The following DNAAF11 variants were observed in gnomAD, a reference collection of about 807,000 sequenced individuals.
DNAAF11 encodes dynein axonemal assembly factor 11.
In DNAAF11, 45 loss-of-function variants were observed where a neutral mutation model predicts 60.8. That is an observed-to-expected ratio of 0.74 (90% CI 0.58 to 0.95). The LOEUF is 0.95. DNAAF11 is among the 40% of genes least tolerant of loss of function. DNAAF11 has a pLI of 0.00. For missense variants in DNAAF11, 546 were observed against 546.2 expected, an observed-to-expected ratio of 1.00 and a Z score of 0.00; for synonymous variants, 191 against 183.5, an observed-to-expected ratio of 1.04 and a Z score of -0.33.
chr8:132,617,966 C>CA (rs1217368037), intron 7 of DNAAF11, among the ~76,000 whole-genome samples: 25 of 149,092 alleles, frequency 1.7e-4, no homozygotes, highest in African/African-American at 6.2e-4. Context: ...CATATGGAAC[C>CA]AAAAAAGAGC....
At chr8:132,596,148 G>T (rs1816996640) in intron 10 of DNAAF11, among the ~76,000 whole-genome samples, 2 of 152,168 alleles carry the variant, frequency 1.3e-5, no homozygotes, top group South Asian at 4.1e-4. Flanking sequence ...AGGATAGGAA[G>T]TCCATGCTGA....
rs1818509261 is a variant in DNAAF11 at position 132,610,163 on chromosome 8, T to C, written c.1140+3A>G. ...TGAAATTGACCCAAATGACATGACC[T>C]ACCTTGGGCATGCAGATGACCAAAT... On this transcript the variant is annotated splice_donor_region_variant and intron_variant, in intron 10 of 11. Coordinates refer to ENST00000620350, the MANE Select transcript of DNAAF11 (RefSeq NM_012472.6). 1.2e-6 allele frequency: 2 copies of C among 1,610,908 alleles called. No individual in the cohort carries two copies. The highest frequency in any genetic ancestry group is 8.5e-7 in the Non-Finnish European group (1 of 1,177,126).
chr8:132,626,635 A>G (rs1013638796), intron 5 of DNAAF11, among the ~76,000 whole-genome samples: 3 of 152,194 alleles, frequency 2.0e-5, no homozygotes, highest in Admixed American at 2.0e-4. Context: ...CTTTCAGGAG[A>G]TTCTATTCTT....
At chr8:132,631,782 G>A (rs530953080) in intron 5 of DNAAF11, among the ~76,000 whole-genome samples, 22 of 151,964 alleles carry the variant, frequency 1.4e-4, no homozygotes, top group Non-Finnish European at 2.5e-4. Context: ...ACCAAACACC[G>A]CATGTTCTCA....
At chr8:132,682,816 C>T in the DNAAF11 span, among the ~76,000 whole-genome samples, 3 of 152,178 alleles carry the variant, frequency 2.0e-5, no homozygotes, top group Admixed American at 6.5e-5. Flanking sequence ...GGCTTCAGGC[C>T]GCTTCCACTC....
intron 1 of DNAAF11, among the ~76,000 whole-genome samples, chr8:132,665,483 C>A (rs1824541808): frequency 6.6e-6 from 1 of 151,264 alleles, no homozygotes; most frequent in Non-Finnish European, 1.5e-5. Context: ...GCCCAGCAAA[C>A]TTTAAAAAAA....
At chr8:132,699,820 A>G in the DNAAF11 span, among the ~76,000 whole-genome samples, 1 of 152,210 alleles carries the variant, frequency 6.6e-6, no homozygotes, top group African/African-American at 2.4e-5. Flanking sequence ...ACATACAAAC[A>G]TTATGTTAAG....
At chr8:132,609,509 T>C (rs557084720) in intron 10 of DNAAF11, among the ~76,000 whole-genome samples, 20 of 152,300 alleles carry the variant, frequency 1.3e-4, no homozygotes, top group East Asian at 3.9e-4. Flanking sequence ...TTCAGGATTA[T>C]GGTAATCAAG....
intron 1 of DNAAF11, among the ~76,000 whole-genome samples, chr8:132,669,305 A>T (rs1824942977): frequency 6.6e-6 from 1 of 152,198 alleles, no homozygotes; most frequent in African/African-American, 2.4e-5. Context: ...GTCAGACTAC[A>T]TGTTGTCACA....
intron 8 of DNAAF11, among the ~76,000 whole-genome samples, chr8:132,611,900 A>G (rs1329990229): frequency 6.6e-6 from 1 of 152,190 alleles, no homozygotes; most frequent in Non-Finnish European, 1.5e-5. Context: ...TCAGGTGGCA[A>G]TTATTCTCCT....
At chr8:132,702,523 C>A in the DNAAF11 span, among the ~76,000 whole-genome samples, 1 of 151,854 alleles carries the variant, frequency 6.6e-6, no homozygotes, top group Non-Finnish European at 1.5e-5. Context: ...GAAAAATTTC[C>A]GTTGTCCCAG....
At chr8:132,657,557 T>C (rs1441614821) in intron 2 of DNAAF11, among the ~76,000 whole-genome samples, 3 of 152,170 alleles carry the variant, frequency 2.0e-5, no homozygotes, top group Non-Finnish European at 2.9e-5. Flanking sequence ...TTCTACCACA[T>C]TTAGTTGGGT....
the DNAAF11 span, among the ~76,000 whole-genome samples, chr8:132,690,182 A>G: frequency 2.0e-5 from 3 of 152,158 alleles, no homozygotes; most frequent in East Asian, 5.8e-4. Context: ...TGTTATTAAA[A>G]TCTTACATTG....
chr8:132,590,940 T>C (rs1230238278), intron 10 of DNAAF11, among the ~76,000 whole-genome samples: 1 of 152,146 alleles, frequency 6.6e-6, no homozygotes, highest in African/African-American at 2.4e-5. Flanking sequence ...CAGATGAGAG[T>C]TAATAATTGT....
chr8:132,633,329 A>C (rs1820990561), intron 4 of DNAAF11, among the ~76,000 whole-genome samples: 1 of 152,144 alleles, frequency 6.6e-6, no homozygotes, highest in Admixed American at 6.5e-5. Context: ...CTCTACAGAA[A>C]AAAAAGGCCT....
intron 2 of DNAAF11, among the ~76,000 whole-genome samples, chr8:132,661,015 G>A (rs961508010): frequency 3.3e-5 from 5 of 151,964 alleles, no homozygotes; most frequent in Non-Finnish European, 7.4e-5. Context: ...ACCCAATACT[G>A]AGCCCAATGC....
At chr8:132,650,078 T>C (rs1226911683) in intron 3 of DNAAF11, among the ~76,000 whole-genome samples, 1 of 152,232 alleles carries the variant, frequency 6.6e-6, no homozygotes, top group Non-Finnish European at 1.5e-5. Flanking sequence ...CGTATATTTA[T>C]TGCAGCACTA....
chr8:132,665,899 T>G (rs185243712), intron 1 of DNAAF11, among the ~76,000 whole-genome samples: 218 of 150,562 alleles, frequency 1.4e-3, no homozygotes, highest in Non-Finnish European at 2.3e-3. Flanking sequence ...ACATATACCA[T>G]GGAATACTAT....
chr8:132,586,483 G>T (rs918790726), intron 10 of DNAAF11, among the ~76,000 whole-genome samples: 2 of 152,312 alleles, frequency 1.3e-5, no homozygotes, highest in Middle Eastern at 3.4e-3. Flanking sequence ...ATGTGTGTTG[G>T]TCATGTGATG....
Sources: gnomAD v4.1 joint callset for allele counts (sites outside exome capture counted in the v4.1 genomes callset) on GRCh38, gnomAD v4.1.1 for gene constraint, MANE v1.5 for transcripts, NCBI Gene and HGNC (gene_info 2026-07-23, HGNC 2026-07-21) for gene names.